ESR1: variants seen among roughly 807,000 people sequenced by gnomAD.
ESR1 encodes the protein estrogen receptor 1.
A neutral mutation model predicts 52.7 loss-of-function variants in ESR1; 12 were observed. The ratio of observed to expected loss-of-function variants is 0.23; its 90% CI spans 0.15 to 0.37. The LOEUF (loss-of-function observed/expected upper bound fraction) is 0.37. Among genes scored for constraint, ESR1 ranks in the 10% least tolerant of loss-of-function variants. The probability of loss-of-function intolerance (pLI) is 1.00; values close to 1 mark genes in which losing one functional copy is unlikely to be tolerated. For missense variants in ESR1, 584 were observed against 779.7 expected, an observed-to-expected ratio of 0.75 and a Z score of 2.99; for synonymous variants, 305 against 316.8, an observed-to-expected ratio of 0.96 and a Z score of 0.39.
chr6:152,062,434 G>A (rs1562741187), intron 6 of ESR1, among the ~76,000 whole-genome samples: 1 of 152,148 alleles, frequency 6.6e-6, no homozygotes, highest in African/African-American at 2.4e-5. Context: ...ATGGAAATCT[G>A]TACTATTACA....
At chr6:151,977,202 G>C (rs973738447) in intron 4 of ESR1, among the ~76,000 whole-genome samples, 2 of 152,082 alleles carry the variant, frequency 1.3e-5, no homozygotes, top group Admixed American at 6.5e-5. Flanking sequence ...TTTCCATTTT[G>C]ACTGGCATGT....
rs551508135 is a variant in ESR1 at position 151,851,097 on chromosome 6, T to C, written c.643+8310T>C. 3.3e-5 allele frequency among the ~76,000 whole-genome samples: 5 copies of C among 152,312 alleles called. No homozygotes were observed. The South Asian group carries it at 1.0e-3, about 32-fold the overall frequency. On this transcript the variant is annotated intron_variant, in intron 2 of 7. Transcript: ENST00000206249. ...GAGTTCAAGGACTGCCACAATCTTG[T>C]TCTAGCCTATCTTTCTAGTCATTTT...
intron 1 of ESR1, among the ~76,000 whole-genome samples, chr6:151,672,827 A>ATTTT (rs11365774): frequency 8.3e-6 from 1 of 121,158 alleles, no homozygotes; most frequent in Non-Finnish European, 1.7e-5. Flanking sequence ...TTCATGATCA[A>ATTTT]TTTTTTTTTT....
At chr6:152,118,841 C>G (rs999175517) in intron 6 of ESR1, among the ~76,000 whole-genome samples, 2 of 152,082 alleles carry the variant, frequency 1.3e-5, no homozygotes, top group Non-Finnish European at 2.9e-5. Context: ...GAGAGGACTC[C>G]CCGAGGGAGC....
chr6:151,838,950 CT>C (rs1783839369), intron 1 of ESR1, among the ~76,000 whole-genome samples: 1 of 152,046 alleles, frequency 6.6e-6, no homozygotes, highest in Non-Finnish European at 1.5e-5. Flanking sequence ...GCTATTAAAT[CT>C]TTTGTCAATA....
chr6:151,946,925 G>C (rs185321228), intron 4 of ESR1, among the ~76,000 whole-genome samples: 1 of 152,280 alleles, frequency 6.6e-6, no homozygotes, highest in African/African-American at 2.4e-5. Context: ...AATACCATCT[G>C]TTATTTAAAA....
intron 2 of ESR1, among the ~76,000 whole-genome samples, chr6:151,722,089 T>C (rs1781499998): frequency 6.6e-6 from 1 of 152,162 alleles, no homozygotes; most frequent in African/African-American, 2.4e-5. Flanking sequence ...GTCAGGACCT[T>C]GGAAAATTGT....
intron 3 of ESR1, among the ~76,000 whole-genome samples, chr6:151,905,764 A>G (rs1181178435): frequency 6.6e-6 from 1 of 152,204 alleles, no homozygotes; most frequent in Non-Finnish European, 1.5e-5. Context: ...GAGAATCACA[A>G]GCATAGTTTA....
rs559540283 is a variant in ESR1, at chr6:151,855,153, G to A, written c.643+12366G>A. 3.9e-5 allele frequency among the ~76,000 whole-genome samples: 6 copies of A among 152,236 alleles called. No individual in the cohort carries two copies. The South Asian group carries it at 6.2e-4, about 16-fold the overall frequency. On this transcript the variant is annotated intron_variant, in intron 2 of 7. Coordinates refer to ENST00000206249, the MANE Select transcript of ESR1 (RefSeq NM_000125.4). ...AGTCTCTAACTCCTGACCTCAAGTG[G>A]TCCTCCTGCCTTGGCCTCCCAAAGT...
intron 1 of ESR1, among the ~76,000 whole-genome samples, chr6:151,677,070 C>T (rs546743006): frequency 6.6e-6 from 1 of 152,186 alleles, no homozygotes; most frequent in Non-Finnish European, 1.5e-5. Context: ...AGGCTGATCT[C>T]AAACTCCTGA....
intron 4 of ESR1, among the ~76,000 whole-genome samples, chr6:151,956,845 T>TAA (rs1280644212): frequency 0.066 from 2,028 of 30,748 alleles, 39 homozygotes; most frequent in African/African-American, 0.1. Context: ...TATAAATAAA[T>TAA]ATATATATAT....
In ESR1 at chr6:151,820,035, CAGT is replaced by C. The variant is rs575372652; in HGVS notation, c.452+11674_452+11676del. 2.5e-4 allele frequency among the ~76,000 whole-genome samples: 38 copies of C among 152,242 alleles called. No homozygotes were observed. In the South Asian group the frequency reaches 6.2e-3, roughly 25 times the overall value. ...GACAAGTGGATAGACAATGAAAAAACAGTAGAATAAGAACTGTGATAGAAAAGA... is the reference window on the plus strand; with the variant it reads ...GACAAGTGGATAGACAATGAAAAAACAGAATAAGAACTGTGATAGAAAAGA... On this transcript the variant is annotated intron_variant, in intron 1 of 7. Coordinates refer to ENST00000206249, the MANE Select transcript of ESR1 (RefSeq NM_000125.4).
At chr6:151,764,652 C>T (rs1008112077) in intron 2 of ESR1, among the ~76,000 whole-genome samples, 2 of 152,146 alleles carry the variant, frequency 1.3e-5, no homozygotes, top group African/African-American at 4.8e-5. Context: ...ATGATAAAAA[C>T]GGTTATGTTG....
chr6:151,715,245 C>T (rs1780936751), intron 2 of ESR1, among the ~76,000 whole-genome samples: 1 of 152,148 alleles, frequency 6.6e-6, no homozygotes, highest in Non-Finnish European at 1.5e-5. Context: ...GGTAACACGA[C>T]CTTTCTCTCT....
At position 151,917,587 on chromosome 6, in the gene ESR1, C is replaced by G. The variant is rs547112643; in HGVS notation, c.761-26586C>G. Among the ~76,000 whole-genome samples the G allele has an allele frequency of 9.8e-5, 15 of 152,290 alleles. 1 individual carries two copies. The South Asian group carries it at 2.9e-3, about 30-fold the overall frequency. ...ACATGTGGATGCTACTTGCCAGTTA[C>G]TTGATCTAGGCCTTGACTCTTGGTT... On this transcript the variant is annotated intron_variant, in intron 3 of 7. Coordinates refer to ENST00000206249, the MANE Select transcript of ESR1 (RefSeq NM_000125.4).
chr6:151,714,981 T>C (rs1467608604), intron 2 of ESR1, among the ~76,000 whole-genome samples: 1 of 152,232 alleles, frequency 6.6e-6, no homozygotes, highest in African/African-American at 2.4e-5. Flanking sequence ...GTACCAGTTT[T>C]ACCTTTCCAT....
At chr6:152,110,815 T>C (rs1042540238) in intron 6 of ESR1, among the ~76,000 whole-genome samples, 1 of 152,168 alleles carries the variant, frequency 6.6e-6, no homozygotes, top group Admixed American at 6.5e-5. Context: ...TGCTGAAAGC[T>C]ATGTCCATAC....
At chr6:152,056,760 G>T (rs2047138179) in intron 5 of ESR1, among the ~76,000 whole-genome samples, 1 of 152,180 alleles carries the variant, frequency 6.6e-6, no homozygotes, top group Non-Finnish European at 1.5e-5. Flanking sequence ...ATCCATGGAG[G>T]AGTTCATCAC....
chr6:151,704,218 T>A (rs190805555), intron 2 of ESR1, among the ~76,000 whole-genome samples: 1 of 152,324 alleles, frequency 6.6e-6, no homozygotes, highest in Non-Finnish European at 1.5e-5. Flanking sequence ...ACACTCAAGT[T>A]ACAAAGTCGA....
Sources: allele counts gnomAD v4.1 joint callset (sites outside exome capture counted in the v4.1 genomes callset), GRCh38; gene constraint gnomAD v4.1.1; transcripts MANE v1.5; gene names NCBI Gene and HGNC (gene_info 2026-07-23, HGNC 2026-07-21).